The following DDX4 variants were observed in gnomAD, a reference collection of about 807,000 sequenced individuals.
DDX4 encodes the protein probable ATP-dependent RNA helicase DDX4.
In DDX4, 25 loss-of-function variants were observed where a neutral mutation model predicts 100.0. That is an observed-to-expected ratio of 0.25 (90% CI 0.18 to 0.35). The LOEUF is 0.35. Ranked by LOEUF, DDX4 falls within the 10% of genes least tolerant of loss-of-function variation. The probability of loss-of-function intolerance (pLI) is 1.00; values close to 1 mark genes in which losing one functional copy is unlikely to be tolerated. For synonymous variants in DDX4, 259 were observed against 275.7 expected (o/e 0.94, Z 0.60); for missense variants, 635 against 882.4 (o/e 0.72, Z 3.55).
intron 18 of DDX4, among the ~76,000 whole-genome samples, chr5:55,809,884 A>C (rs1374078680): frequency 6.6e-6 from 1 of 152,240 alleles, no homozygotes; most frequent in East Asian, 1.9e-4. Context: ...CTATTGCATC[A>C]GGCAGCATAC....
chr5:55,795,604 T>C (rs1167752427), intron 17 of DDX4, among the ~76,000 whole-genome samples: 5 of 152,130 alleles, frequency 3.3e-5, no homozygotes, highest in African/African-American at 1.2e-4. Flanking sequence ...ACCCTGTCTC[T>C]ATAAAAAACA....
At chr5:55,807,004 T>C (rs1228250807) in intron 18 of DDX4, among the ~76,000 whole-genome samples, 1 of 152,234 alleles carries the variant, frequency 6.6e-6, no homozygotes, top group Non-Finnish European at 1.5e-5. Flanking sequence ...ATCTGGGTGC[T>C]CCTGTATTGG....
chr5:55,788,743 A>G (rs1265205982), intron 15 of DDX4, among the ~76,000 whole-genome samples: 1 of 152,194 alleles, frequency 6.6e-6, no homozygotes, highest in Non-Finnish European at 1.5e-5. Context: ...TATTGTAAAC[A>G]AAATTGCAAT....
chr5:55,780,913 A>C (rs1025473662), intron 8 of DDX4, among the ~76,000 whole-genome samples, 153 bp from the exon 9 acceptor site: 13 of 152,214 alleles, frequency 8.5e-5, no homozygotes, highest in Non-Finnish European at 2.9e-5. Context: ...AGTTTAATAG[A>C]ATAGTTTAAC....
intron 3 of DDX4, among the ~76,000 whole-genome samples, chr5:55,754,116 A>G (rs1392190962): frequency 6.7e-6 from 1 of 148,426 alleles, no homozygotes; most frequent in African/African-American, 2.5e-5. Context: ...TGTTGTCTGC[A>G]AACAGGGACA....
chr5:55,773,631 T>G (rs1741385134), intron 7 of DDX4, among the ~76,000 whole-genome samples: 2 of 152,080 alleles, frequency 1.3e-5, no homozygotes, highest in South Asian at 4.2e-4. Context: ...GGTTTTTTGT[T>G]TTTTTATTTT....
chr5:55,766,183 TGCTTA>T (rs1272665748), intron 6 of DDX4, among the ~76,000 whole-genome samples: 1 of 152,080 alleles, frequency 6.6e-6, no homozygotes, highest in Non-Finnish European at 1.5e-5. Flanking sequence ...TTTTTGTTTG[TGCTTA>T]GCTTTATTTC....
At chr5:55,815,937 GTTTTTTTTT>G (rs369016313) in intron 21 of DDX4, among the ~76,000 whole-genome samples, 1 of 109,184 alleles carries the variant, frequency 9.2e-6, no homozygotes, top group African/African-American at 3.6e-5. Flanking sequence ...ATCTTAGCTG[GTTTTTTTTT>G]TTTTTTTTTT....
intron 10 of DDX4, among the ~76,000 whole-genome samples, chr5:55,783,666 G>GATGA (rs1438595982): frequency 5.6e-5 from 7 of 125,424 alleles, no homozygotes; most frequent in Non-Finnish European, 1.0e-4. Flanking sequence ...TGGATGGATG[G>GATGA]ATGGATGGAT....
intron 1 of DDX4, chr5:55,738,400 G>C (rs1484529742): frequency 1.3e-5 from 2 of 154,874 alleles, no homozygotes; most frequent in African/African-American, 4.8e-5. Flanking sequence ...TTTGTCGGCA[G>C]GATTTGGGCA....
chr5:55,795,643 C>T (rs548809070), intron 17 of DDX4, among the ~76,000 whole-genome samples: 3 of 152,158 alleles, frequency 2.0e-5, no homozygotes, highest in East Asian at 1.9e-4. Flanking sequence ...TGTGGTGACA[C>T]GCACCTGTAG....
chr5:55,776,394 G>A (rs1441218481), intron 7 of DDX4, among the ~76,000 whole-genome samples: 1 of 152,180 alleles, frequency 6.6e-6, no homozygotes, highest in Non-Finnish European at 1.5e-5. Flanking sequence ...AATATTCAAA[G>A]AGAATAGATG....
At chr5:55,788,110 C>CT (rs919062510) in intron 15 of DDX4, 110 bp downstream of exon 15, 1 of 914,928 alleles carries the variant, frequency 1.1e-6, no homozygotes, top group African/African-American at 1.7e-5. Context: ...TTTAGCATTA[C>CT]TTAAAGTATT....
chr5:55,757,204 A>G (rs1456712403), intron 3 of DDX4, among the ~76,000 whole-genome samples: 6 of 151,966 alleles, frequency 3.9e-5, no homozygotes, highest in South Asian at 2.1e-4. Flanking sequence ...GATTTTGTGA[A>G]CCCATTACCT....
At chr5:55,811,992 G>A (rs1402795790) in intron 18 of DDX4, among the ~76,000 whole-genome samples, 9 of 152,030 alleles carry the variant, frequency 5.9e-5, no homozygotes, top group African/African-American at 2.2e-4. Context: ...GGGAGAAGAT[G>A]TTTTGGTTTT....
chr5:55,742,799 G>A (rs1759049446), intron 2 of DDX4, among the ~76,000 whole-genome samples: 1 of 152,152 alleles, frequency 6.6e-6, no homozygotes, highest in African/African-American at 2.4e-5. Flanking sequence ...GTATTTTACT[G>A]GAGAAGACAG....
chr5:55,797,140 C>T (rs1006161142), intron 17 of DDX4, among the ~76,000 whole-genome samples: 5 of 152,030 alleles, frequency 3.3e-5, no homozygotes, highest in African/African-American at 4.8e-5. Flanking sequence ...CACTGTGCCC[C>T]GCCTCAAACT....
intron 19 of DDX4, 56 bp from the exon 20 acceptor site, chr5:55,814,845 A>G (rs1444615383): frequency 1.3e-6 from 2 of 1,538,852 alleles, no homozygotes; most frequent in Admixed American, 2.0e-5. Flanking sequence ...AACTTTAATG[A>G]TTCACTTTAA....
intron 19 of DDX4, 76 bp from the exon 20 acceptor site, chr5:55,814,825 T>G: frequency 1.3e-6 from 2 of 1,492,064 alleles, no homozygotes; most frequent in Non-Finnish European, 1.8e-6. Context: ...AAAAAGAAAT[T>G]TGTATGTTGA....
Sources: allele counts gnomAD v4.1 joint callset (sites outside exome capture counted in the v4.1 genomes callset), GRCh38; gene constraint gnomAD v4.1.1; transcripts MANE v1.5; gene names NCBI Gene and HGNC (gene_info 2026-07-23, HGNC 2026-07-21).